The following WDR20 variants were observed in gnomAD, a reference collection of about 807,000 sequenced individuals.
WDR20 encodes WD repeat domain 20, also known as WD repeat-containing protein 20.
In WDR20, 3 loss-of-function variants were observed where a neutral mutation model predicts 38.7. The observed-to-expected ratio is 0.08, with a 90% CI of 0.04 to 0.20. The LOEUF is 0.20. Ranked by LOEUF, WDR20 falls within the 10% of genes least tolerant of loss-of-function variation. WDR20 has a pLI of 1.00. For synonymous variants in WDR20, 298 were observed against 285.6 expected (o/e 1.04, Z -0.44); for missense variants, 559 against 727.7 (o/e 0.77, Z 2.67).
Position 102,139,912 on chromosome 14 carries a change from C to G in WDR20, c.-12C>G, listed in dbSNP as rs1023925483. The G allele has an allele frequency of 2.5e-6, 4 of 1,611,560 alleles. No individual in the cohort carries two copies. Among genetic ancestry groups the G allele is most frequent in the Non-Finnish European group, 3.4e-6 (4 of 1,177,828 alleles). On this transcript the variant is annotated 5_prime_UTR_variant, in exon 1 of 3. Coordinates refer to ENST00000342702, the MANE Select transcript of WDR20 (RefSeq NM_144574.4). The stretch of plus-strand genomic sequence containing the variant: ...CCGGGCACTTAGGGCAGGATGAACG[C>G]TGCTTTCCAAGATGGCGACGGAGGG...
chr14:102,224,494 ACTG>A, downstream of WDR20: 1 of 444,162 alleles, frequency 2.3e-6, no homozygotes, highest in Admixed American at 2.5e-5. Context: ...ATCATATACA[ACTG>A]GATCCTTCGA....
chr14:102,220,031 G>A lies in WDR20; in HGVS notation c.1693-2799G>A, dbSNP rs1371689232. On this transcript the variant is annotated intron_variant, in intron 3 of 3. Transcript: ENST00000335263. The surrounding 1 kb of genome is among the most constrained non-coding windows in gnomAD (Gnocchi z 4.2). ...AGTGTGCATTTGTTTTGTGCTAATG[G>A]GAGAATAGGAAGCCTGCAGCCCTCG... Among the ~76,000 whole-genome samples the A allele has an allele frequency of 6.6e-6, 1 of 152,250 alleles. No homozygotes were observed. The highest frequency in any genetic ancestry group is 1.5e-5 in the Non-Finnish European group (1 of 68,048).
intron 1 of WDR20, among the ~76,000 whole-genome samples, chr14:102,144,150 C>G (rs1322522586): frequency 1.3e-5 from 2 of 152,012 alleles, no homozygotes; most frequent in African/African-American, 4.8e-5. Context: ...GTACCCCAAC[C>G]TGGGCAACAG....
chr14:102,181,738 G>A (rs2063432330), intron 1 of WDR20, among the ~76,000 whole-genome samples: 2 of 152,054 alleles, frequency 1.3e-5, no homozygotes, highest in African/African-American at 4.8e-5. Flanking sequence ...AGACTGCAGT[G>A]CATTATACGA....
rs2054582773 is a variant in WDR20 at position 102,148,680 on chromosome 14, TGTGTG to T, written c.249+8509_249+8513del. On this transcript the variant is annotated intron_variant, in intron 1 of 2. Coordinates refer to ENST00000342702, the MANE Select transcript of WDR20 (RefSeq NM_144574.4). ...TAAAGAGTTTGGCTTTGTGTGTGTG[TGTGTG>T]TGTGTGTGTGTGTGTGTGTGTGTTT... Among the ~76,000 whole-genome samples the T allele has an allele frequency of 4.1e-5, 3 of 72,388 alleles. No homozygotes were observed. The East Asian group carries it at 3.3e-3, about 79-fold the overall frequency. 47.5% of individuals were successfully genotyped at this position (72,388 alleles called of 152,430 possible).
intron 1 of WDR20, among the ~76,000 whole-genome samples, chr14:102,153,461 C>T (rs1279827050): frequency 2.6e-5 from 4 of 151,940 alleles, no homozygotes; most frequent in Admixed American, 2.6e-4. Flanking sequence ...CGCCCACCAC[C>T]ACGCCTGGCT....
intron 1 of WDR20, 41 bp from the exon 2 acceptor site, chr14:102,194,897 A>T (rs781570866): frequency 1.3e-6 from 2 of 1,578,356 alleles, no homozygotes; most frequent in East Asian, 4.5e-5. Flanking sequence ...TCTCATCTCA[A>T]TGTGCTGTTT....
In WDR20 at chr14:102,200,457, A is replaced by ATTTTTT. The variant is rs746438768; in HGVS notation, c.432+5343_432+5348dup. Reference sequence around the variant, plus strand: ...CAGGGGCGAGGAGTTTACTTTTTAAATTTTTTTTTTTGTGTGTGTGTGTGT... The same window carrying ATTTTTT: ...CAGGGGCGAGGAGTTTACTTTTTAAATTTTTTTTTTTTTTTTTGTGTGTGTGTGTGT... On this transcript the variant is annotated intron_variant, in intron 2 of 2. Coordinates refer to ENST00000342702, the MANE Select transcript of WDR20 (RefSeq NM_144574.4). 7.4e-3 allele frequency among the ~76,000 whole-genome samples: 825 copies of ATTTTTT among 110,806 alleles called. 6 individuals carry two copies. The highest frequency in any genetic ancestry group is 0.011 in the Non-Finnish European group (576 of 51,990). The allele number at this position is 110,806 out of a possible 152,430, so 72.7% of individuals were successfully genotyped here. A position where few individuals can be genotyped will look rare whatever the true frequency, so the allele number is the denominator to read the frequency against.
chr14:102,156,491 T>C (rs965801238), intron 1 of WDR20, among the ~76,000 whole-genome samples: 1 of 152,096 alleles, frequency 6.6e-6, no homozygotes, highest in African/African-American at 2.4e-5. Context: ...TTATTCAATA[T>C]GTAATTAAGA....
chr14:102,181,050 A>AT (rs2063263670), intron 1 of WDR20, among the ~76,000 whole-genome samples: 2 of 152,182 alleles, frequency 1.3e-5, no homozygotes, highest in African/African-American at 2.4e-5. Flanking sequence ...AAAGCTTTGA[A>AT]TTATCAAGAG....
Position 102,207,013 on chromosome 14 carries a change from C to T in WDR20, c.433-1590C>T, listed in dbSNP as rs1357452082. 6.6e-6 allele frequency among the ~76,000 whole-genome samples: 1 copy of T among 152,218 alleles called. No individual in the cohort carries two copies. Among genetic ancestry groups the T allele is most frequent in the Non-Finnish European group, 1.5e-5 (1 of 68,038 alleles). ...TTAGGTTGTTGGCATTAGTGCAGGT[C>T]AGGTGCTGTTTATAGGTAGGTCACC... On this transcript the variant is annotated intron_variant, in intron 2 of 2. Transcript: ENST00000342702. The surrounding 1 kb of genome is among the most constrained non-coding windows in gnomAD (Gnocchi z 5.0).
chr14:102,212,490 C>T (rs957739340), downstream of WDR20: 2 of 1,535,220 alleles, frequency 1.3e-6, no homozygotes, highest in African/African-American at 1.4e-5. Flanking sequence ...TCCACTCTGC[C>T]CCTCTGACTG....
chr14:102,212,985 A>T, downstream of WDR20: 1 of 1,001,340 alleles, frequency 1.0e-6, no homozygotes, highest in Non-Finnish European at 1.2e-6. Flanking sequence ...GACGAAAGTC[A>T]GGTGCACGCT....
intron 1 of WDR20, among the ~76,000 whole-genome samples, chr14:102,185,092 T>C (rs141873622): frequency 0.017 from 2,603 of 152,350 alleles, 52 homozygotes; most frequent in South Asian, 0.097. Context: ...CTTCCACTGC[T>C]GCTGTCCTTC....
chr14:102,161,144 T>TATATATATATATATATATATA (rs1374208711), intron 1 of WDR20, among the ~76,000 whole-genome samples: 1 of 7,292 alleles, frequency 1.4e-4, no homozygotes, highest in African/African-American at 5.4e-4. Context: ...ATATATATAT[T>TATATATATATATATATATATA]TTTTTTTTTT....
chr14:102,151,173 ATTTTTTT>A (rs534503694), intron 1 of WDR20, among the ~76,000 whole-genome samples: 45 of 111,530 alleles, frequency 4.0e-4, no homozygotes, highest in Middle Eastern at 6.3e-3. Flanking sequence ...CCATTGGGGA[ATTTTTTT>A]TTTTTTTTTT....
At chr14:102,199,532 G>GC (rs1167951939) in intron 2 of WDR20, among the ~76,000 whole-genome samples, 1 of 152,124 alleles carries the variant, frequency 6.6e-6, no homozygotes, top group Non-Finnish European at 1.5e-5. Flanking sequence ...CTGAGGGTTG[G>GC]CCCGCTGGTC....
At chr14:102,150,346 C>T (rs376415174) in intron 1 of WDR20, among the ~76,000 whole-genome samples, 1 of 152,004 alleles carries the variant, frequency 6.6e-6, no homozygotes, top group African/African-American at 2.4e-5. Flanking sequence ...TGGTGGTGTG[C>T]GCCTGTAGTC....
At chr14:102,193,434 T>C (rs775921674) in intron 1 of WDR20, 2 of 1,604,972 alleles carry the variant, frequency 1.2e-6, no homozygotes, top group East Asian at 2.2e-5. Flanking sequence ...GGCTCTTTCA[T>C]GTATATATTC....
Sources: gnomAD v4.1 joint callset for allele counts (sites outside exome capture counted in the v4.1 genomes callset) on GRCh38, gnomAD v4.1.1 for gene constraint, Gnocchi (gnomAD v3.1) non-coding constraint, MANE v1.5 for transcripts, NCBI Gene and HGNC (gene_info 2026-07-23, HGNC 2026-07-21) for gene names.